The following PHF20L1 variants were observed in gnomAD, a reference collection of about 807,000 sequenced individuals.
PHF20L1 encodes PHD finger protein 20 like 1, also known as PHD finger protein 20-like protein 1.
A neutral mutation model predicts 125.5 loss-of-function variants in PHF20L1; 44 were observed. That is an observed-to-expected ratio of 0.35 (90% confidence interval 0.28 to 0.45). The LOEUF is 0.45. Ranked by LOEUF, PHF20L1 falls within the 20% of genes least tolerant of loss-of-function variation. The pLI is 1.00. For missense variants in PHF20L1, 1,012 were observed against 1,217.2 expected (o/e 0.83, Z 2.51); for synonymous variants, 380 against 403.1 (o/e 0.94, Z 0.69).
At chr8:132,799,044 C>A (rs1420610166) in intron 5 of PHF20L1, 51 bp from the exon 6 acceptor site, 1 of 1,480,168 alleles carries the variant, frequency 6.8e-7, no homozygotes, top group East Asian at 2.3e-5. Context: ...TTGATTTTTG[C>A]TTCTTTGGTT....
rs748103905 is a variant in PHF20L1 at position 132,839,603 on chromosome 8, G to A, written c.2387+21G>A. On this transcript the variant is annotated intron_variant, in intron 18 of 20. Transcript: ENST00000395386. ...CTAAAGTAAGTGAAGGGCAGCAAAG[G>A]GAGGGTCACACTTCAGTGGACGTTT... 3 of 1,576,932 alleles carry A rather than the reference G, an allele frequency of 1.9e-6. No homozygotes were observed. The African/African-American group carries it at 4.0e-5, about 21-fold the overall frequency.
Position 132,846,742 on chromosome 8 carries a change from A to G in PHF20L1, c.*819A>G, listed in dbSNP as rs139630457. 3.3e-5 allele frequency: 5 copies of G among 152,334 alleles called. No homozygotes were observed. Among genetic ancestry groups the G allele is most frequent in the Non-Finnish European group, 5.9e-5 (4 of 67,954 alleles). 9.4% of individuals were successfully genotyped at this position (152,334 alleles called of 1,614,324 possible). ...TCCATCCAAAACCTATATATCACCT[A>G]TACTATATATATCATATATATAGTT... is the stretch of plus-strand genomic sequence containing the variant. On this transcript the variant is annotated 3_prime_UTR_variant, in exon 21 of 21. Coordinates refer to ENST00000395386, the MANE Select transcript of PHF20L1 (RefSeq NM_016018.5).
At position 132,816,082 on chromosome 8, in the gene PHF20L1, C is replaced by T. The variant is rs1056453059; in HGVS notation, c.1184-806C>T. On this transcript the variant is annotated intron_variant, in intron 10 of 20. Transcript: ENST00000395386. ...TGTCTTTAGACTGTTCTTATTTCCT[C>T]TTTCTAAATTAACATGAATATATTG... 3 of 151,982 alleles carry T rather than the reference C, an allele frequency of 2.0e-5. No individual in the cohort carries two copies. In the East Asian group the frequency reaches 5.8e-4, roughly 29 times the overall value. 9.4% of individuals were successfully genotyped at this position (151,982 alleles called of 1,614,324 possible).
chr8:132,843,948 A>G, intron 19 of PHF20L1: 1 of 985,204 alleles, frequency 1.0e-6, no homozygotes, highest in Non-Finnish European at 1.2e-6. Flanking sequence ...CATGCGAGGC[A>G]TAGTGGAGGG....
intron 14 of PHF20L1, among the ~76,000 whole-genome samples, chr8:132,829,028 T>C (rs1269946259): frequency 3.9e-5 from 6 of 152,068 alleles, no homozygotes; most frequent in South Asian, 2.1e-4. Flanking sequence ...AGGGACTTTA[T>C]GTAGGAGACT....
At chr8:132,784,812 C>T (rs544476331) in intron 2 of PHF20L1, among the ~76,000 whole-genome samples, 8 of 152,254 alleles carry the variant, frequency 5.3e-5, no homozygotes, top group African/African-American at 1.4e-4. Context: ...CACGGGCCAC[C>T]GTAGTTTCTG....
chr8:132,801,632 A>G (rs1330513608), intron 6 of PHF20L1, among the ~76,000 whole-genome samples: 2 of 151,738 alleles, frequency 1.3e-5, no homozygotes, highest in Non-Finnish European at 1.5e-5. Flanking sequence ...ATAGTTATTA[A>G]AAATGTGTTA....
chr8:132,775,793 G>A (rs1182838883), intron 1 of PHF20L1, 148 bp downstream of exon 1: 2 of 228,572 alleles, frequency 8.7e-6, no homozygotes, highest in Non-Finnish European at 1.7e-5. Flanking sequence ...GGGCGCCGCA[G>A]CTCCCTCTTC....
At chr8:132,784,533 G>C (rs1011286508) in intron 2 of PHF20L1, among the ~76,000 whole-genome samples, 4 of 151,754 alleles carry the variant, frequency 2.6e-5, no homozygotes, top group African/African-American at 9.7e-5. Context: ...CTTTTAGATG[G>C]GTAAATAACA....
chr8:132,777,437 AG>A (rs1382361951), intron 1 of PHF20L1, among the ~76,000 whole-genome samples: 1 of 152,220 alleles, frequency 6.6e-6, no homozygotes, highest in Non-Finnish European at 1.5e-5. Flanking sequence ...AATTTTTCAA[AG>A]GCAGGAAAGC....
At chr8:132,811,784 C>T in intron 9 of PHF20L1, 4 of 983,594 alleles carry the variant, frequency 4.1e-6, no homozygotes, top group Non-Finnish European at 4.8e-6. Context: ...ACTTCTTAGG[C>T]ACTGTAAGAC....
chr8:132,807,336 C>T (rs930184346), intron 8 of PHF20L1: 1 of 162,926 alleles, frequency 6.1e-6, no homozygotes, highest in African/African-American at 2.4e-5. Context: ...GTAGTCCATA[C>T]TTTTGGAACA....
chr8:132,829,299 T>C (rs1274974640), intron 14 of PHF20L1, among the ~76,000 whole-genome samples: 3 of 152,092 alleles, frequency 2.0e-5, no homozygotes, highest in Non-Finnish European at 2.9e-5. Flanking sequence ...GGTATTCAAA[T>C]CCTGCCCGTA....
At chr8:132,799,632 T>C (rs1313928825) in intron 6 of PHF20L1, 1 of 153,380 alleles carries the variant, frequency 6.5e-6, no homozygotes, top group East Asian at 1.9e-4. Context: ...ATGTCTAATA[T>C]GGAAATATGC....
At chr8:132,824,859 A>G (rs371106630) in intron 13 of PHF20L1, 5 of 261,920 alleles carry the variant, frequency 1.9e-5, no homozygotes, top group Admixed American at 5.3e-5. Flanking sequence ...CAAAAAGTCC[A>G]TCAGGTTTTT....
At position 132,847,068 on chromosome 8, in the gene PHF20L1, G is replaced by A. The variant is rs1838469202; in HGVS notation, c.*1145G>A. On this transcript the variant is annotated 3_prime_UTR_variant, in exon 21 of 21. Transcript: ENST00000395386. ...TAAGTTGCTGTGTTAGCTCTTGCTG[G>A]ATTTTGAGCCTAGGTCCTACTGTCT... 6.6e-6 allele frequency: 1 copy of A among 152,564 alleles called. No homozygotes were observed. Among genetic ancestry groups the A allele is most frequent in the African/African-American group, 2.4e-5 (1 of 41,430 alleles). The allele number at this position is 152,564 out of a possible 1,614,324, so 9.5% of individuals were successfully genotyped here. A position where few individuals can be genotyped will look rare whatever the true frequency, so the allele number is the denominator to read the frequency against.
intron 2 of PHF20L1, among the ~76,000 whole-genome samples, chr8:132,791,118 G>A (rs555879106): frequency 1.3e-5 from 2 of 152,210 alleles, no homozygotes; most frequent in Admixed American, 6.5e-5. Flanking sequence ...ATGAGAAAAC[G>A]TATAGAAAGA....
chr8:132,833,162 C>T (rs955579764), intron 15 of PHF20L1, among the ~76,000 whole-genome samples: 3 of 152,026 alleles, frequency 2.0e-5, no homozygotes, highest in South Asian at 2.1e-4. Context: ...GAATAAGGGA[C>T]GGGGCCTTCA....
intron 20 of PHF20L1, among the ~76,000 whole-genome samples, chr8:132,844,936 T>C (rs1289673305): frequency 6.6e-6 from 1 of 152,042 alleles, no homozygotes; most frequent in Non-Finnish European, 1.5e-5. Context: ...GACGATATTC[T>C]GCACCCCAAC....
Sources: allele counts gnomAD v4.1 joint callset (sites outside exome capture counted in the v4.1 genomes callset), GRCh38; gene constraint gnomAD v4.1.1; transcripts MANE v1.5; gene names NCBI Gene and HGNC (gene_info 2026-07-23, HGNC 2026-07-21).